TLN2: variants seen among roughly 807,000 people sequenced by gnomAD.
The protein encoded by TLN2 is talin-2.
TLN2 carries 118 observed loss-of-function variants against 294.7 expected under a neutral mutation model. That is an observed-to-expected ratio of 0.40 (90% confidence interval 0.34 to 0.47). The LOEUF (loss-of-function observed/expected upper bound fraction) is 0.47, where lower values mean the gene tolerates loss of function less well. Among genes scored for constraint, TLN2 ranks in the 20% least tolerant of loss-of-function variants. The pLI, the probability that TLN2 is intolerant of heterozygous loss-of-function variation, is 0.84. For synonymous variants in TLN2, 1,431 were observed against 1,304.5 expected (o/e 1.10, Z -2.09); for missense variants, 3,083 against 3,282.2 (o/e 0.94, Z 1.48).
At chr15:62,549,029 A>G (rs1210609213) in intron 1 of TLN2, among the ~76,000 whole-genome samples, 1 of 152,184 alleles carries the variant, frequency 6.6e-6, no homozygotes, top group African/African-American at 2.4e-5. Flanking sequence ...TTATGCCCAG[A>G]AAAGTTCTTT....
At chr15:62,830,007 CT>C (rs2068630966) in intron 54 of TLN2, 4 of 152,278 alleles carry the variant, frequency 2.6e-5, no homozygotes, top group East Asian at 3.9e-4. Context: ...TCAATTTATC[CT>C]GTTTAATGAA....
chr15:62,582,339 T>C (rs1353992155), intron 1 of TLN2, among the ~76,000 whole-genome samples: 1 of 152,124 alleles, frequency 6.6e-6, no homozygotes, highest in Admixed American at 6.6e-5. Flanking sequence ...TCACTATTTT[T>C]CAGTCATTCA....
intron 1 of TLN2, among the ~76,000 whole-genome samples, chr15:62,404,444 G>A (rs909102555): frequency 6.6e-6 from 1 of 152,112 alleles, no homozygotes; most frequent in African/African-American, 2.4e-5. Flanking sequence ...CTTCACAGGG[G>A]GAGATGTCTC....
At position 62,647,609 on chromosome 15, in the gene TLN2, TTG is replaced by T. The variant is rs374212152; in HGVS notation, c.136+166_136+167del. 4.2e-3 allele frequency among the ~76,000 whole-genome samples: 638 copies of T among 152,358 alleles called. 2 individuals carry two copies. The highest frequency in any genetic ancestry group is 0.013 in the African/African-American group (528 of 41,582). On this transcript the variant is annotated intron_variant, in intron 4 of 58. Coordinates refer to ENST00000636159, the MANE Select transcript of TLN2 (RefSeq NM_015059.3). ...ACACTACCTGCTTCCTCTGTGAGAC[TTG>T]TGATTACAGTGACCATGCCCACTGC...
At chr15:62,790,299 T>C (rs2064989287) in intron 45 of TLN2, among the ~76,000 whole-genome samples, 1 of 152,166 alleles carries the variant, frequency 6.6e-6, no homozygotes, top group African/African-American at 2.4e-5. Context: ...TGCTATCCGT[T>C]TGACGTATTG....
At position 62,819,524 on chromosome 15, in the gene TLN2, G is replaced by A; in HGVS notation, c.6780G>A (p.Gln2260=). 3 of 1,614,096 alleles carry A rather than the reference G, an allele frequency of 1.9e-6. No individual in the cohort carries two copies. The highest frequency in any genetic ancestry group is 2.5e-6 in the Non-Finnish European group (3 of 1,180,012). Residue 2260 remains glutamine (Q), a synonymous_variant, in exon 53 of 59, where the codon CAG becomes CAA. Transcript: ENST00000636159. ...TTGTTCTTCACCTGTAGATTCTTCAGAAACCAACCCCAGAATTCAAGCAGC... is the reference window on the plus strand; with the variant it reads ...TTGTTCTTCACCTGTAGATTCTTCAAAAACCAACCCCAGAATTCAAGCAGC... ...DLLEHVLVIL[Q]KPTPEFKQQL...
intron 34 of TLN2, among the ~76,000 whole-genome samples, 182 bp from the exon 35 acceptor site, chr15:62,752,123 A>G (rs2061973517): frequency 6.6e-6 from 1 of 152,114 alleles, no homozygotes; most frequent in Admixed American, 6.5e-5. Context: ...CATTGTACTT[A>G]TCTCTTTGTG....
intron 1 of TLN2, among the ~76,000 whole-genome samples, chr15:62,484,374 T>G (rs1478234863): frequency 1.3e-5 from 2 of 151,976 alleles, no homozygotes; most frequent in East Asian, 3.9e-4. Context: ...GAAACGGAGG[T>G]CATTCATTTT....
chr15:62,537,574 T>C (rs1411501650), intron 1 of TLN2, among the ~76,000 whole-genome samples: 1 of 152,180 alleles, frequency 6.6e-6, no homozygotes. Context: ...ATGAAGAAAC[T>C]GAGCCTCAGG....
At chr15:62,698,953 A>G in intron 16 of TLN2, 86 bp downstream of exon 16, 1 of 1,273,090 alleles carries the variant, frequency 7.9e-7, no homozygotes, top group African/African-American at 1.5e-5. Flanking sequence ...CATCTAGGTA[A>G]ATTTCTATCT....
intron 12 of TLN2, among the ~76,000 whole-genome samples, chr15:62,692,194 T>TC (rs2057978344): frequency 6.6e-6 from 1 of 152,212 alleles, no homozygotes. Flanking sequence ...AGAAGGCACT[T>TC]CCCTGGGCTA....
chr15:62,835,766 C>T lies in TLN2; in HGVS notation c.7158C>T (p.Asp2386=), dbSNP rs139730009. 7.1e-4 allele frequency: 1,143 copies of T among 1,614,198 alleles called. 5 individuals carry two copies. Among genetic ancestry groups the T allele is most frequent in the Non-Finnish European group, 5.1e-4 (598 of 1,180,046 alleles). Residue 2386 remains aspartate, a synonymous_variant, in exon 56 of 59, where the codon GAC becomes GAT. Coordinates refer to ENST00000636159, the MANE Select transcript of TLN2 (RefSeq NM_015059.3). ...KVGSIPANAA[D]DGQWSQGLIS... is the part of the protein sequence containing the mutation. Reference sequence around the variant, plus strand: ...GCTCCATCCCTGCCAATGCTGCAGACGACGGACAGTGGTCACAGGGGCTGA... The same window carrying T: ...GCTCCATCCCTGCCAATGCTGCAGATGACGGACAGTGGTCACAGGGGCTGA...
At chr15:62,393,112 C>T (rs1005950938) in intron 1 of TLN2, among the ~76,000 whole-genome samples, 23 of 152,158 alleles carry the variant, frequency 1.5e-4, no homozygotes, top group Admixed American at 1.2e-3. Flanking sequence ...AGCCTCAATC[C>T]GTTTTAAGTT....
intron 45 of TLN2, 42 bp downstream of exon 45, chr15:62,783,932 A>C (rs761011515): frequency 6.2e-7 from 1 of 1,608,422 alleles, no homozygotes; most frequent in South Asian, 1.1e-5. Context: ...GCACACACAC[A>C]CTGGTGCCCA....
At chr15:62,652,193 TC>T (rs1395757317) in intron 6 of TLN2, 59 bp downstream of exon 6, 2 of 1,441,096 alleles carry the variant, frequency 1.4e-6, no homozygotes, top group East Asian at 4.7e-5. Context: ...ACAGGCCTCT[TC>T]TTTTTTCCAC....
chr15:62,706,125 C>G (rs920227315), intron 19 of TLN2, among the ~76,000 whole-genome samples: 4 of 152,234 alleles, frequency 2.6e-5, no homozygotes, highest in African/African-American at 4.8e-5. Context: ...TTAATAAAGA[C>G]TTCTGACCGT....
rs934061901 is a variant in TLN2, at chr15:62,537,650, G to C, written c.-237-52037G>C. Among the ~76,000 whole-genome samples, 15 of 152,284 alleles carry C rather than the reference G, an allele frequency of 9.9e-5. 2 individuals carry two copies. The highest frequency in any genetic ancestry group is 3.4e-3 in the Middle Eastern group (1 of 294). ...TTCTCTTTTCTCTGCCCACAGTCTT[G>C]ATTGCTCAGCCAGTGTAAGTTAGGG... On this transcript the variant is annotated intron_variant, in intron 1 of 58. Coordinates refer to ENST00000636159, the MANE Select transcript of TLN2 (RefSeq NM_015059.3).
At chr15:62,720,191 G>A (rs891339473) in intron 25 of TLN2, among the ~76,000 whole-genome samples, 1 of 152,218 alleles carries the variant, frequency 6.6e-6, no homozygotes, top group Admixed American at 6.5e-5. Flanking sequence ...GAACAGCCTA[G>A]GACTAGGCAT....
chr15:62,468,686 A>G (rs1204119991), intron 1 of TLN2, among the ~76,000 whole-genome samples: 2 of 151,136 alleles, frequency 1.3e-5, no homozygotes, highest in East Asian at 4.0e-4. Context: ...CGGAGCTTGC[A>G]GTGAGCTGAG....
Sources: gnomAD v4.1 joint callset for allele counts (sites outside exome capture counted in the v4.1 genomes callset) on GRCh38, gnomAD v4.1.1 for gene constraint, MANE v1.5 for transcripts, NCBI Gene and HGNC (gene_info 2026-07-23, HGNC 2026-07-21) for gene names.